DOCK8: variants seen among roughly 807,000 people sequenced by gnomAD.
DOCK8 encodes dedicator of cytokinesis 8.
Under a neutral mutation model 245.6 loss-of-function variants are expected in DOCK8, and 141 were observed. That is an observed-to-expected ratio of 0.57 (90% confidence interval 0.50 to 0.66). DOCK8 has a LOEUF of 0.66. Among genes scored for constraint, DOCK8 ranks in the 30% least tolerant of loss-of-function variants. The pLI, the probability that DOCK8 is intolerant of heterozygous loss-of-function variation, is 0.00. For synonymous variants in DOCK8, 1,168 were observed against 970.2 expected, an observed-to-expected ratio of 1.20 and a Z score of -3.79; for missense variants, 2,965 against 2,603.4, an observed-to-expected ratio of 1.14 and a Z score of -3.02.
At chr9:390,340 A>C in intron 23 of DOCK8, 131 bp from the exon 24 acceptor site, 1 of 835,648 alleles carries the variant, frequency 1.2e-6, no homozygotes, top group Non-Finnish European at 2.0e-6. Flanking sequence ...CTTACTGCCT[A>C]GAACATCTAA....
intron 30 of DOCK8, among the ~76,000 whole-genome samples, chr9:419,017 C>T (rs959607950): frequency 6.6e-6 from 1 of 152,138 alleles, no homozygotes; most frequent in African/African-American, 2.4e-5. Flanking sequence ...ACTCTGTGGG[C>T]TCAAAGAGGG....
chr9:426,738 C>G (rs1182724852), intron 33 of DOCK8, 147 bp from the exon 34 acceptor site: 2 of 704,560 alleles, frequency 2.8e-6, no homozygotes, highest in Middle Eastern at 2.3e-4. Flanking sequence ...GGCACCTGCA[C>G]TGTAGTTACT....
intron 21 of DOCK8, chr9:381,344 G>A (rs2053713709): frequency 6.6e-6 from 1 of 152,050 alleles, no homozygotes; most frequent in Non-Finnish European, 1.5e-5. Context: ...GAGAAGTGGT[G>A]ACTGATGCCT....
intron 28 of DOCK8, among the ~76,000 whole-genome samples, chr9:409,504 G>A (rs2055608939): frequency 6.6e-6 from 1 of 152,166 alleles, no homozygotes; most frequent in Admixed American, 6.5e-5. Flanking sequence ...TCTATATAAC[G>A]TTGAATTCTG....
At position 334,300 on chromosome 9, in the gene DOCK8, T is replaced by G; in HGVS notation, c.1201T>G (p.Phe401Val). 6.2e-7 allele frequency: 1 copy of G among 1,614,174 alleles called. No individual in the cohort carries two copies. The highest frequency in any genetic ancestry group is 8.5e-7 in the Non-Finnish European group (1 of 1,180,006). Reference protein sequence around the residue: ...CQRLGKYRMPFAWAPISLSSF... With the variant: ...CQRLGKYRMPVAWAPISLSSF... Reference sequence around the variant, plus strand: ...GCGTTTGGGGAAATACCGGATGCCCTTTGCCTGGGCACCCATAAGCTTATC... The same window carrying G: ...GCGTTTGGGGAAATACCGGATGCCCGTTGCCTGGGCACCCATAAGCTTATC... The change falls in exon 11 of 48, where the codon TTT (phenylalanine) becomes GTT (valine). Residue 401 changes from phenylalanine (F) to valine (V), a missense_variant. Coordinates refer to ENST00000432829, the MANE Select transcript of DOCK8 (RefSeq NM_203447.4).
At chr9:311,548 G>A (rs114492180) in intron 5 of DOCK8, among the ~76,000 whole-genome samples, 1 of 151,780 alleles carries the variant, frequency 6.6e-6, no homozygotes, top group African/African-American at 2.4e-5. Context: ...CACTGCACCT[G>A]GCCCAGTCTC....
At chr9:450,742 A>T (rs1004489977) in intron 45 of DOCK8, among the ~76,000 whole-genome samples, 1 of 151,974 alleles carries the variant, frequency 6.6e-6, no homozygotes, top group African/African-American at 2.4e-5. Context: ...AAAATGAGGA[A>T]ACGTTTGCCT....
chr9:428,546 C>T (rs746987115), intron 35 of DOCK8, 50 bp downstream of exon 35: 2 of 1,604,910 alleles, frequency 1.2e-6, no homozygotes, highest in Non-Finnish European at 1.7e-6. Context: ...GTAAGATTCT[C>T]ATCTAGCTTC....
In DOCK8 at chr9:432,335, G is replaced by A; in HGVS notation, c.4785+11G>A. 6.2e-7 allele frequency: 1 copy of A among 1,613,850 alleles called. No individual in the cohort carries two copies. The highest frequency in any genetic ancestry group is 8.5e-7 in the Non-Finnish European group (1 of 1,179,890). On this transcript the variant is annotated intron_variant, in intron 37 of 47. Coordinates refer to ENST00000432829, the MANE Select transcript of DOCK8 (RefSeq NM_203447.4). ...CCTTTTCCCACCCAGGTACACCGAAGCACATACCTTGTCTCATGCATGAGT... is the reference window on the plus strand; with the variant it reads ...CCTTTTCCCACCCAGGTACACCGAAACACATACCTTGTCTCATGCATGAGT...
chr9:229,898 A>G (rs2047069782), intron 1 of DOCK8, among the ~76,000 whole-genome samples: 1 of 151,610 alleles, frequency 6.6e-6, no homozygotes, highest in Non-Finnish European at 1.5e-5. Flanking sequence ...TTATTTTTAA[A>G]TTTAATTTTA....
chr9:460,549 C>T (rs2057771700), intron 46 of DOCK8: 1 of 152,206 alleles, frequency 6.6e-6, no homozygotes, highest in South Asian at 2.1e-4. Context: ...AGGCCATATG[C>T]CTTCCCTTCT....
At position 406,911 on chromosome 9, in the gene DOCK8, G is replaced by A; in HGVS notation, c.3391-19G>A. ...TCCAGTTCTTGTGGCTCATAAAATG[G>A]CTCCTTACGTTTCTGTAGAACTCAA... On this transcript the variant is annotated intron_variant, in intron 27 of 47. Transcript: ENST00000432829. 3 of 1,613,950 alleles carry A rather than the reference G, an allele frequency of 1.9e-6. No individual in the cohort carries two copies. Among genetic ancestry groups the A allele is most frequent in the Non-Finnish European group, 2.5e-6 (3 of 1,179,988 alleles).
intron 1 of DOCK8, among the ~76,000 whole-genome samples, chr9:247,171 T>C (rs1265121535): frequency 1.3e-5 from 2 of 152,264 alleles, no homozygotes; most frequent in Non-Finnish European, 2.9e-5. Flanking sequence ...AATATAGTTC[T>C]ACATAAATTG....
At chr9:296,915 G>A (rs2049282395) in intron 4 of DOCK8, among the ~76,000 whole-genome samples, 1 of 152,088 alleles carries the variant, frequency 6.6e-6, no homozygotes, top group Non-Finnish European at 1.5e-5. Context: ...CAGCTTGGAT[G>A]CCCTCCTCAC....
At chr9:396,717 C>A in intron 24 of DOCK8, 68 bp from the exon 25 acceptor site, 2 of 1,595,332 alleles carry the variant, frequency 1.3e-6, no homozygotes, top group South Asian at 2.2e-5. Context: ...GAGTCTTTCC[C>A]CCTTTTCTGC....
chr9:237,846 T>G (rs2047291916), intron 1 of DOCK8, among the ~76,000 whole-genome samples: 1 of 152,090 alleles, frequency 6.6e-6, no homozygotes, highest in Non-Finnish European at 1.5e-5. Context: ...TTTAAACAGC[T>G]TATATTTAAA....
intron 16 of DOCK8, 39 bp from the exon 17 acceptor site, chr9:371,389 T>C (rs1475978166): frequency 1.9e-6 from 3 of 1,613,586 alleles, no homozygotes; most frequent in Admixed American, 1.7e-5. Flanking sequence ...TCATCATTCT[T>C]GCTAAAAGTT....
At chr9:341,972 G>A (rs1022884135) in intron 14 of DOCK8, among the ~76,000 whole-genome samples, 2 of 152,118 alleles carry the variant, frequency 1.3e-5, no homozygotes, top group Non-Finnish European at 2.9e-5. Flanking sequence ...ATATTCTGTC[G>A]CTGTCTGCCA....
chr9:420,568 A>G lies in DOCK8; in HGVS notation c.4008A>G (p.Leu1336=), dbSNP rs1445995270. 1 of 1,614,040 alleles carries G rather than the reference A, an allele frequency of 6.2e-7. No homozygotes were observed. The highest frequency in any genetic ancestry group is 1.7e-5 in the Admixed American group (1 of 60,006). ...RILDLLFICV[L]CFEYKGKQSS... ...TAGATCTACTTTTCATCTGTGTGTT[A>G]TGTTTTGAGTATAAGGTAAGTCTGG... is the stretch of plus-strand genomic sequence containing the variant. The change falls in exon 31 of 48, where the codon TTA becomes TTG. Residue 1336 remains leucine (L), a synonymous_variant. Coordinates refer to ENST00000432829, the MANE Select transcript of DOCK8 (RefSeq NM_203447.4).
Sources: gnomAD v4.1 joint callset for allele counts (sites outside exome capture counted in the v4.1 genomes callset) on GRCh38, gnomAD v4.1.1 for gene constraint, MANE v1.5 for transcripts, NCBI Gene and HGNC (gene_info 2026-07-23, HGNC 2026-07-21) for gene names.